The following PHC2 variants were observed in gnomAD, a reference collection of about 807,000 sequenced individuals.
PHC2 encodes the protein polyhomeotic-like protein 2.
In PHC2, 29 loss-of-function variants were observed where a neutral mutation model predicts 87.4. The observed-to-expected ratio is 0.33, with a 90% confidence interval of 0.25 to 0.45. The LOEUF is 0.45. PHC2 is among the 20% of genes least tolerant of loss of function. The pLI, the probability that PHC2 is intolerant of heterozygous loss-of-function variation, is 1.00. For synonymous variants in PHC2, 438 were observed against 461.7 expected, an observed-to-expected ratio of 0.95 and a Z score of 0.66; for missense variants, 857 against 1,136.7, an observed-to-expected ratio of 0.75 and a Z score of 3.54.
chr1:33,426,406 T>C (rs961412992), intron 1 of PHC2, among the ~76,000 whole-genome samples: 2 of 152,174 alleles, frequency 1.3e-5, no homozygotes, highest in Admixed American at 1.3e-4. Flanking sequence ...GTAGTGTACC[T>C]GTTCCACTCC....
intron 7 of PHC2, among the ~76,000 whole-genome samples, chr1:33,365,291 A>G (rs1647385912): frequency 6.6e-6 from 1 of 152,162 alleles, no homozygotes. Flanking sequence ...ACGTCCTGTG[A>G]GTGCTGGTCC....
intron 1 of PHC2, among the ~76,000 whole-genome samples, chr1:33,376,084 G>C (rs1051507829): frequency 1.5e-4 from 23 of 152,088 alleles, no homozygotes; most frequent in African/African-American, 5.6e-4. Flanking sequence ...ACTCAGGCTG[G>C]AGTGCAGTGG....
In PHC2 at chr1:33,346,579, A is replaced by T. The variant is rs548614006; in HGVS notation, c.1558+7822T>A. ...TTAGACTGACTCAAGAAGAGGGAAA[A>T]ACTCTTGGTAAACACCGTACTAATG... is the stretch of plus-strand genomic sequence containing the variant. On this transcript the variant is annotated intron_variant, in intron 9 of 14. Transcript: ENST00000683057. 38 of 985,336 alleles carry T rather than the reference A, an allele frequency of 3.9e-5. No homozygotes were observed. The African/African-American group carries it at 6.1e-4, about 16-fold the overall frequency. 61.0% of individuals were successfully genotyped at this position (985,336 alleles called of 1,614,324 possible).
At chr1:33,326,673 G>A (rs1409460942) in intron 14 of PHC2, among the ~76,000 whole-genome samples, 1 of 152,210 alleles carries the variant, frequency 6.6e-6, no homozygotes, top group Non-Finnish European at 1.5e-5. Context: ...TCAAAGGTAG[G>A]CCGGGCGCAG....
Position 33,328,981 on chromosome 1 carries a change from G to A in PHC2, c.2314C>T (p.Leu772Phe), listed in dbSNP as rs769014714. The A allele has an allele frequency of 9.9e-6, 16 of 1,614,230 alleles. No homozygotes were observed. In the South Asian group the frequency reaches 1.8e-4, roughly 18 times the overall value. The change falls in exon 14 of 15, where the codon CTC (leucine) becomes TTC (phenylalanine). Residue 772 changes from leucine (L) to phenylalanine (F), a missense_variant. Coordinates refer to ENST00000683057, the MANE Select transcript of PHC2 (RefSeq NM_001385109.1). ...AGGTCCCGCATATGCATGTCGGGGAGCTCCAGGTCCCGCTGGCCTTGTCGC... is the reference window on the plus strand; with the variant it reads ...AGGTCCCGCATATGCATGTCGGGGAACTCCAGGTCCCGCTGGCCTTGTCGC... ...RRRQGQRDLE[L>F]PDMHMRDLVG...
chr1:33,423,136 GA>G (rs1294969987), intron 1 of PHC2, among the ~76,000 whole-genome samples: 1 of 152,038 alleles, frequency 6.6e-6, no homozygotes, highest in Non-Finnish European at 1.5e-5. Context: ...TCCCTGCAGT[GA>G]ACCCTTACCT....
chr1:33,361,753 C>T (rs901535979), intron 7 of PHC2, among the ~76,000 whole-genome samples: 4 of 152,166 alleles, frequency 2.6e-5, no homozygotes, highest in African/African-American at 9.7e-5. Flanking sequence ...CGTCAGCAGG[C>T]CTTAAGCAAA....
chr1:33,335,298 G>A (rs557199410), intron 9 of PHC2: 1 of 985,322 alleles, frequency 1.0e-6, no homozygotes, highest in East Asian at 1.1e-4. Flanking sequence ...CCCCTTCCCA[G>A]GGCTGTTCTC....
intron 9 of PHC2, chr1:33,345,295 T>C (rs1175735705): frequency 6.6e-6 from 1 of 152,558 alleles, no homozygotes; most frequent in Non-Finnish European, 1.5e-5. Context: ...TTGCTTATGT[T>C]TTAAAGTCAT....
intron 7 of PHC2, chr1:33,363,055 A>G (rs1647240914): frequency 7.0e-6 from 1 of 143,730 alleles, no homozygotes; most frequent in African/African-American, 2.7e-5. Flanking sequence ...ACTGGTAATT[A>G]TTACTATTAG....
chr1:33,376,227 G>A (rs1648171227), intron 1 of PHC2, among the ~76,000 whole-genome samples: 1 of 152,174 alleles, frequency 6.6e-6, no homozygotes, highest in Non-Finnish European at 1.5e-5. Context: ...TAGAGACAGG[G>A]TTTCGCCATG....
intron 5 of PHC2, among the ~76,000 whole-genome samples, 176 bp downstream of exon 5, chr1:33,370,245 G>A (rs897459588): frequency 2.6e-5 from 4 of 152,034 alleles, no homozygotes; most frequent in African/African-American, 7.2e-5. Context: ...ATGACTCTTC[G>A]AGGCTGTACC....
chr1:33,356,297 ATTTAT>A (rs1647084495), intron 7 of PHC2, among the ~76,000 whole-genome samples: 1 of 132,810 alleles, frequency 7.5e-6, no homozygotes, highest in South Asian at 2.4e-4. Context: ...ATATATATTT[ATTTAT>A]TTAGTATTTA....
At chr1:33,336,333 G>C (rs895066060) in intron 9 of PHC2, among the ~76,000 whole-genome samples, 2 of 152,110 alleles carry the variant, frequency 1.3e-5, no homozygotes, top group African/African-American at 4.8e-5. Flanking sequence ...AACTAAACCA[G>C]GATAAACCTT....
intron 1 of PHC2, among the ~76,000 whole-genome samples, chr1:33,402,193 CTT>C (rs1324133666): frequency 6.6e-6 from 1 of 152,070 alleles, no homozygotes; most frequent in African/African-American, 2.4e-5. Flanking sequence ...AAAAACTTCA[CTT>C]TATTAATAAT....
intron 1 of PHC2, among the ~76,000 whole-genome samples, chr1:33,388,805 A>G (rs980716199): frequency 2.0e-5 from 3 of 152,192 alleles, no homozygotes; most frequent in Non-Finnish European, 2.9e-5. Flanking sequence ...TACATGAGGC[A>G]GCAGGTTCTG....
chr1:33,422,085 T>TC (rs1447771442), intron 1 of PHC2, among the ~76,000 whole-genome samples: 1 of 152,062 alleles, frequency 6.6e-6, no homozygotes, highest in Non-Finnish European at 1.5e-5. Context: ...TGTTTGGAGG[T>TC]CCCCCCATAT....
chr1:33,335,223 A>G, intron 9 of PHC2: 1 of 985,424 alleles, frequency 1.0e-6, no homozygotes, highest in African/African-American at 1.7e-5. Context: ...AGCATCTCTC[A>G]TGAGCTGTCT....
chr1:33,330,280 C>T, intron 12 of PHC2, 68 bp from the exon 13 acceptor site: 1 of 1,556,800 alleles, frequency 6.4e-7, no homozygotes, highest in South Asian at 1.1e-5. Flanking sequence ...GCAGAATGAG[C>T]ACAGCCAAGC....
Sources: allele counts gnomAD v4.1 joint callset (sites outside exome capture counted in the v4.1 genomes callset), GRCh38; gene constraint gnomAD v4.1.1; transcripts MANE v1.5; gene names NCBI Gene and HGNC (gene_info 2026-07-23, HGNC 2026-07-21).